Variants in PRKCH observed in about 807,000 individuals in gnomAD.
The protein encoded by PRKCH is protein kinase C eta type.
PRKCH carries 28 observed loss-of-function variants against 82.5 expected under a neutral mutation model. That is an observed-to-expected ratio of 0.34 (90% confidence interval 0.25 to 0.47). The LOEUF (loss-of-function observed/expected upper bound fraction) is 0.47, where lower values mean the gene tolerates loss of function less well. PRKCH is among the 20% of genes least tolerant of loss of function. PRKCH has a pLI of 1.00. For missense variants in PRKCH, 705 were observed against 881.8 expected, an observed-to-expected ratio of 0.80 and a Z score of 2.54; for synonymous variants, 322 against 327.4, an observed-to-expected ratio of 0.98 and a Z score of 0.18.
At chr14:61,217,267 C>G (rs971835959) in intron 1 of PRKCH, among the ~76,000 whole-genome samples, 8 of 152,042 alleles carry the variant, frequency 5.3e-5, no homozygotes, top group African/African-American at 1.9e-4. Context: ...GTGGCCCATG[C>G]CTGTAGTCCC....
At chr14:61,542,408 G>T (rs903929211) in intron 12 of PRKCH, among the ~76,000 whole-genome samples, 2 of 152,024 alleles carry the variant, frequency 1.3e-5, no homozygotes, top group African/African-American at 4.8e-5. Context: ...GGGTTTGGTG[G>T]TATGTGCCTA....
chr14:61,227,776 T>C (rs1050477494), intron 1 of PRKCH, among the ~76,000 whole-genome samples: 6 of 152,082 alleles, frequency 3.9e-5, no homozygotes, highest in Admixed American at 3.9e-4. Context: ...TAATAGTAAG[T>C]GCTTGATAAA....
At chr14:61,425,018 AATTGAGGTTTGGG>A (rs1280814160) in intron 2 of PRKCH, among the ~76,000 whole-genome samples, 1 of 152,238 alleles carries the variant, frequency 6.6e-6, no homozygotes, top group Non-Finnish European at 1.5e-5. Flanking sequence ...AAAAGTCAAG[AATTGAGGTTTGGG>A]AGCCTCAGCT....
intron 1 of PRKCH, among the ~76,000 whole-genome samples, chr14:61,274,644 A>T (rs1399045901): frequency 8.5e-5 from 13 of 152,220 alleles, no homozygotes; most frequent in Non-Finnish European, 1.5e-5. Context: ...GAGGCAATTC[A>T]GGGCTCCTTG....
intron 13 of PRKCH, among the ~76,000 whole-genome samples, chr14:61,548,651 G>A (rs1264978676): frequency 6.6e-6 from 1 of 152,056 alleles, no homozygotes; most frequent in East Asian, 1.9e-4. Flanking sequence ...CTTGAGGTCA[G>A]GAGTTTGAGA....
At chr14:61,339,829 C>T (rs1315300024) in intron 1 of PRKCH, among the ~76,000 whole-genome samples, 5 of 150,982 alleles carry the variant, frequency 3.3e-5, no homozygotes, top group African/African-American at 4.9e-5. Flanking sequence ...TACAGGCATG[C>T]GCCACCATGC....
At chr14:61,512,998 T>G (rs1166521519) in intron 10 of PRKCH, among the ~76,000 whole-genome samples, 1 of 152,098 alleles carries the variant, frequency 6.6e-6, no homozygotes, top group East Asian at 1.9e-4. Context: ...AAAAAAAATT[T>G]TATAGAGACA....
intron 1 of PRKCH, among the ~76,000 whole-genome samples, chr14:61,385,096 G>A (rs2046567526): frequency 6.6e-6 from 1 of 152,054 alleles, no homozygotes; most frequent in Admixed American, 6.5e-5. Flanking sequence ...ACCAAGAGAA[G>A]TGGTCTGTAG....
chr14:61,264,065 C>A (rs981528777), intron 1 of PRKCH, among the ~76,000 whole-genome samples: 2 of 151,954 alleles, frequency 1.3e-5, no homozygotes, highest in Admixed American at 1.3e-4. Flanking sequence ...ACTGGATCGC[C>A]CTCTCAGGAT....
intron 9 of PRKCH, among the ~76,000 whole-genome samples, chr14:61,472,724 CAACAA>C (rs1386795839): frequency 6.6e-6 from 1 of 152,024 alleles, no homozygotes; most frequent in Non-Finnish European, 1.5e-5. Context: ...ACAAAAAAAA[CAACAA>C]AACAAAAAGT....
chr14:61,457,038 C>A, intron 7 of PRKCH, 138 bp from the exon 8 acceptor site: 2 of 880,430 alleles, frequency 2.3e-6, no homozygotes, highest in Non-Finnish European at 3.4e-6. Context: ...CAGAACCGAT[C>A]ATCTGTCAAA....
intron 1 of PRKCH, among the ~76,000 whole-genome samples, chr14:61,332,468 T>G (rs577100485): frequency 6.6e-6 from 1 of 152,388 alleles, no homozygotes; most frequent in African/African-American, 2.4e-5. Flanking sequence ...GCTTTTATTA[T>G]GTACTGCCTT....
intron 10 of PRKCH, among the ~76,000 whole-genome samples, chr14:61,509,709 A>T (rs1238719087): frequency 6.6e-6 from 1 of 152,196 alleles, no homozygotes; most frequent in African/African-American, 2.4e-5. Context: ...ACATGGTGAG[A>T]TTCTGTCTCT....
At chr14:61,392,600 A>G (rs757270310) in intron 2 of PRKCH, among the ~76,000 whole-genome samples, 2 of 151,964 alleles carry the variant, frequency 1.3e-5, no homozygotes, top group Non-Finnish European at 2.9e-5. Context: ...TTGTCTTTCT[A>G]TTATTGATTT....
At position 61,250,238 on chromosome 14, in the gene PRKCH, AAAATAAAT is replaced by A. The variant is rs371406494; in HGVS notation, c.-19+62607_-19+62614del. Among the ~76,000 whole-genome samples, 842 of 139,250 alleles carry A rather than the reference AAAATAAAT, an allele frequency of 6.0e-3. 6 individuals carry two copies. Among genetic ancestry groups the A allele is most frequent in the African/African-American group, 0.018 (655 of 36,732 alleles). 91.4% of individuals were successfully genotyped at this position (139,250 alleles called of 152,430 possible). ...GGCGATAGAGTGAGACTCAGTCTCA[AAAATAAAT>A]AAATAAATAAATAAATAAATAAATA... On this transcript the variant is annotated intron_variant, in intron 1 of 3. Transcript: ENST00000555185.
At chr14:61,439,686 C>A (rs538917176) in intron 2 of PRKCH, among the ~76,000 whole-genome samples, 1 of 151,974 alleles carries the variant, frequency 6.6e-6, no homozygotes, top group Admixed American at 6.5e-5. Context: ...GCATGTCACC[C>A]GGCTTTAGGA....
At chr14:61,303,926 A>C (rs774121188) in intron 1 of PRKCH, 16 of 151,866 alleles carry the variant, frequency 1.1e-4, no homozygotes, top group Non-Finnish European at 1.9e-4. Context: ...TGTCTTTCCA[A>C]TATGGTAGAC....
rs1208649984 is a variant in PRKCH, at chr14:61,391,223, A to C, written c.364-2A>C. The C allele has an allele frequency of 6.2e-7, 1 of 1,607,142 alleles. No individual in the cohort carries two copies. The highest frequency in any genetic ancestry group is 8.5e-7 in the Non-Finnish European group (1 of 1,176,468). On this transcript the variant is annotated splice_acceptor_variant, in intron 1 of 13. Coordinates refer to ENST00000332981, the MANE Select transcript of PRKCH (RefSeq NM_006255.5). LOFTEE classifies it high-confidence loss of function. ...AATATACATTTTTTTTTCTCTTTGT[A>C]GGTGGATCTCGAGCCAGAGGGGAAA...
chr14:61,478,952 T>C (rs1262560097), intron 9 of PRKCH, among the ~76,000 whole-genome samples: 2 of 152,112 alleles, frequency 1.3e-5, no homozygotes, highest in South Asian at 2.1e-4. Flanking sequence ...TTCTTAAGGC[T>C]ATGCAAAAAA....
Sources: gnomAD v4.1 joint callset for allele counts (sites outside exome capture counted in the v4.1 genomes callset) on GRCh38, gnomAD v4.1.1 for gene constraint, MANE v1.5 for transcripts, NCBI Gene and HGNC (gene_info 2026-07-23, HGNC 2026-07-21) for gene names.